Variants in GPR37 observed in about 807,000 individuals in gnomAD.
GPR37 encodes G protein-coupled receptor 37, also known as prosaposin receptor GPR37.
A neutral mutation model predicts 43.6 loss-of-function variants in GPR37; 20 were observed. That is an observed-to-expected ratio of 0.46 (90% confidence interval 0.32 to 0.67). GPR37 has a LOEUF of 0.67. Among genes scored for constraint, GPR37 ranks in the 30% least tolerant of loss-of-function variants. The pLI is 0.03. For synonymous variants in GPR37, 315 were observed against 322.6 expected, an observed-to-expected ratio of 0.98 and a Z score of 0.25; for missense variants, 724 against 797.2, an observed-to-expected ratio of 0.91 and a Z score of 1.11.
At chr7:124,759,768 A>C (rs1448954597) in intron 1 of GPR37, among the ~76,000 whole-genome samples, 1 of 152,264 alleles carries the variant, frequency 6.6e-6, no homozygotes, top group Non-Finnish European at 1.5e-5. Context: ...ATTAAACATC[A>C]TAAAACTTCC....
rs1307031479 is a variant in GPR37, at chr7:124,746,732, G to C, written c.1635C>G (p.Thr545=). 6.2e-7 allele frequency: 1 copy of C among 1,613,840 alleles called. No homozygotes were observed. The highest frequency in any genetic ancestry group is 1.3e-5 in the African/African-American group (1 of 74,908). The part of the protein sequence containing the change: ...QFLLFFKSCV[T]PVLLFCLCKP... ...TGCAGAGACAGAAAAGGAGGACTGG[G>C]GTGACACAGGACTTAAAGAACAAAA... Residue 545 remains threonine, a synonymous_variant, in exon 2 of 2, where the codon ACC becomes ACG. Transcript: ENST00000303921.
chr7:124,763,984 G>A lies in GPR37; in HGVS notation c.993C>T (p.Asp331=), dbSNP rs1793880761. ...TATAGGGCACGATCTTGCAGGAGAA[G>A]TCCTCCAGCAGCCACTTCTTGGTCA... ...HELTKKWLLE[D]FSCKIVPYIE... Residue 331 remains aspartate, a synonymous_variant, in exon 1 of 2, where the codon GAC becomes GAT. Transcript: ENST00000303921. 2 of 1,614,034 alleles carry A rather than the reference G, an allele frequency of 1.2e-6. No homozygotes were observed. The highest frequency in any genetic ancestry group is 1.7e-6 in the Non-Finnish European group (2 of 1,180,000).
intron 1 of GPR37, among the ~76,000 whole-genome samples, chr7:124,756,023 T>A (rs1322791431): frequency 2.0e-5 from 3 of 152,224 alleles, no homozygotes; most frequent in Non-Finnish European, 4.4e-5. Context: ...ACAGAATTTA[T>A]CTGCTTTTAA....
At chr7:124,757,312 G>A (rs1793802655) in intron 1 of GPR37, among the ~76,000 whole-genome samples, 1 of 152,124 alleles carries the variant, frequency 6.6e-6, no homozygotes, top group Admixed American at 6.6e-5. Flanking sequence ...CGTATTTAGT[G>A]TCCTTATAGC....
chr7:124,754,273 GAAGA>G (rs965199531), intron 1 of GPR37, among the ~76,000 whole-genome samples: 3 of 152,090 alleles, frequency 2.0e-5, no homozygotes, highest in African/African-American at 7.2e-5. Flanking sequence ...AAAATGATAT[GAAGA>G]AAGAGCCCAT....
intron 1 of GPR37, among the ~76,000 whole-genome samples, chr7:124,760,230 G>C (rs1793836020): frequency 6.6e-6 from 1 of 152,102 alleles, no homozygotes; most frequent in Admixed American, 6.5e-5. Context: ...AAAGTAACAA[G>C]TGAAGGAATG....
rs773981376 is a variant in GPR37, at chr7:124,764,148, T to C, written c.829A>G (p.Ile277Val). The C allele has an allele frequency of 5.6e-6, 9 of 1,606,648 alleles. No homozygotes were observed. The highest frequency in any genetic ancestry group is 2.7e-5 in the African/African-American group (2 of 74,856). ...LSVVIFGTGI[I>V]GNLAVMCIVC... ...ATGCACATCACCGCCAGGTTGCCAA[T>C]GATGCCGGTCCCGAAGATCACCACG... Residue 277 changes from isoleucine (I) to valine (V), a missense_variant, in exon 1 of 2, where the codon ATT (isoleucine) becomes GTT (valine). Physicochemically the swap from Ile to Val is conservative, Grantham distance 29. This residue lies in a region of GPR37 where 342 missense variants were observed against 441.8 expected (regional missense o/e 0.77). Coordinates refer to ENST00000303921, the MANE Select transcript of GPR37 (RefSeq NM_005302.5). This position sits in a 1 kb window ranked among gnomAD's most constrained non-coding sequence, Gnocchi z 5.4.
intron 1 of GPR37, among the ~76,000 whole-genome samples, chr7:124,749,758 C>T (rs1023101599): frequency 1.3e-5 from 2 of 150,286 alleles, no homozygotes; most frequent in Non-Finnish European, 3.0e-5. Flanking sequence ...ATATTAAAAG[C>T]AAAAATGAAA....
At chr7:124,750,979 A>G (rs1394411253) in intron 1 of GPR37, among the ~76,000 whole-genome samples, 1 of 152,154 alleles carries the variant, frequency 6.6e-6, no homozygotes, top group Non-Finnish European at 1.5e-5. Context: ...TACCAAGTCA[A>G]AAGCTCAAAC....
chr7:124,747,247 C>T lies in GPR37; in HGVS notation c.1120G>A (p.Glu374Lys), dbSNP rs761204777. The T allele has an allele frequency of 1.2e-6, 2 of 1,613,804 alleles. No individual in the cohort carries two copies. The highest frequency in any genetic ancestry group is 1.7e-5 in the Admixed American group (1 of 59,968). ...TTGGCAGTTGTTGAGGAACAGTTTT[C>T]GATCATTTCGTAGTACATCTGTACG... The part of the protein sequence containing the change: ...TNVQMYYEMI[E>K]NCSSTTAKLA... The change falls in exon 2 of 2, where the codon GAA (glutamate) becomes AAA (lysine). Residue 374 changes from glutamate (E) to lysine (K), a missense_variant. Transcript: ENST00000303921.
chr7:124,754,085 G>A (rs1199289522), intron 1 of GPR37, among the ~76,000 whole-genome samples: 1 of 151,962 alleles, frequency 6.6e-6, no homozygotes, highest in Non-Finnish European at 1.5e-5. Flanking sequence ...AATACAAACA[G>A]AAAGAAACTT....
Position 124,747,063 on chromosome 7 carries a change from G to C in GPR37, c.1304C>G (p.Ala435Gly), listed in dbSNP as rs897565558. ...CAGTCTCGCACTGTCGTAGGTGAGG[G>C]CTAGAACATAGATGGTGTCTGGTAA... Reference protein sequence around the residue: ...PDLPDTIYVLALTYDSARLWW... With the variant: ...PDLPDTIYVLGLTYDSARLWW... Residue 435 changes from alanine (A) to glycine (G), a missense_variant, in exon 2 of 2, where the codon GCC becomes GGC. Physicochemically the swap from Ala to Gly is moderately conservative, Grantham distance 60 (BLOSUM62 0). Around this residue, in one of 2 missense-constraint regions of GPR37, gnomAD observed 342 missense variants for 441.8 expected, o/e 0.77. Transcript: ENST00000303921. The C allele has an allele frequency of 6.2e-7, 1 of 1,613,856 alleles. No individual in the cohort carries two copies. The highest frequency in any genetic ancestry group is 2.2e-5 in the East Asian group (1 of 44,868).
At chr7:124,756,189 T>C (rs1554407948) in intron 1 of GPR37, among the ~76,000 whole-genome samples, 1 of 152,124 alleles carries the variant, frequency 6.6e-6, no homozygotes, top group Non-Finnish European at 1.5e-5. Flanking sequence ...AAGACAATAG[T>C]AAAGATAGGC....
rs561566875 is a variant in GPR37 at position 124,747,677 on chromosome 7, C to T, written c.1024-334G>A. The stretch of plus-strand genomic sequence containing the variant: ...GATACACTAAAAATTTTATTCACCA[C>T]GAAAATGTCTGCCACTAGGAGATCT... On this transcript the variant is annotated intron_variant, in intron 1 of 1. Transcript: ENST00000303921. Among the ~76,000 whole-genome samples, 33 of 152,108 alleles carry T rather than the reference C, an allele frequency of 2.2e-4. No individual in the cohort carries two copies. In the East Asian group the frequency reaches 6.0e-3, roughly 28 times the overall value.
chr7:124,761,669 C>G (rs1300078280), intron 1 of GPR37, among the ~76,000 whole-genome samples: 2 of 152,168 alleles, frequency 1.3e-5, no homozygotes, highest in Non-Finnish European at 2.9e-5. Flanking sequence ...CCCTAAATAC[C>G]TCTTACTTTT....
chr7:124,753,086 T>A (rs1309932311), intron 1 of GPR37, among the ~76,000 whole-genome samples: 1 of 152,088 alleles, frequency 6.6e-6, no homozygotes, highest in African/African-American at 2.4e-5. Flanking sequence ...AAAGTTTGGA[T>A]GGGTTTCTTA....
At position 124,763,976 on chromosome 7, in the gene GPR37, CAGG is replaced by C. The variant is rs572930812; in HGVS notation, c.998_1000del (p.Ser333del). 4.3e-5 allele frequency: 70 copies of C among 1,613,870 alleles called. No homozygotes were observed. The highest frequency in any genetic ancestry group is 6.7e-5 in the Admixed American group (4 of 60,012). ...TACCTCTATATAGGGCACGATCTTGCAGGAGAAGTCCTCCAGCAGCCACTTCTT... is the reference window on the plus strand; with the variant it reads ...TACCTCTATATAGGGCACGATCTTGCAGAAGTCCTCCAGCAGCCACTTCTT... On this transcript the variant is annotated inframe_deletion, in exon 1 of 2. Transcript: ENST00000303921.
chr7:124,749,095 C>T (rs1436824067), intron 1 of GPR37, among the ~76,000 whole-genome samples: 1 of 151,914 alleles, frequency 6.6e-6, no homozygotes, highest in African/African-American at 2.4e-5. Context: ...AAGATGGGGA[C>T]GATGGTTCTC....
chr7:124,764,717 TC>T lies in GPR37; in HGVS notation c.259del (p.Asp87ThrfsTer84). On this transcript the variant is annotated frameshift_variant, in exon 1 of 2. Coordinates refer to ENST00000303921, the MANE Select transcript of GPR37 (RefSeq NM_005302.5). LOFTEE classifies it high-confidence loss of function. This position sits in a 1 kb window ranked among gnomAD's most constrained non-coding sequence, Gnocchi z 5.4. Reference sequence around the variant, plus strand: ...GTCACGGCCCGGGGCCGCCGGCAGGTCCCAGGAGGGTCCCGCAAGAAACGCT... The same window carrying T: ...GTCACGGCCCGGGGCCGCCGGCAGGTCCAGGAGGGTCCCGCAAGAAACGCT... ...GAAFLAGPSWDLPAAPGRDPA... is the reference protein window; with the variant it reads ...GAAFLAGPSWXLPAAPGRDPA... 6.2e-7 allele frequency: 1 copy of T among 1,607,330 alleles called. No individual in the cohort carries two copies.
Sources: gnomAD v4.1 joint callset for allele counts (sites outside exome capture counted in the v4.1 genomes callset) on GRCh38, gnomAD v4.1.1 for gene constraint, gnomAD v4.1.1 regional missense constraint, Gnocchi (gnomAD v3.1) non-coding constraint, MANE v1.5 for transcripts, NCBI Gene and HGNC (gene_info 2026-07-23, HGNC 2026-07-21) for gene names.